VWA3B: variants seen among roughly 807,000 people sequenced by gnomAD.
The protein encoded by VWA3B is von Willebrand factor A domain containing 3B.
Under a neutral mutation model 158.3 loss-of-function variants are expected in VWA3B, and 138 were observed. The ratio of observed to expected loss-of-function variants is 0.87; its 90% CI spans 0.76 to 1.00. The LOEUF (loss-of-function observed/expected upper bound fraction) is 1.00, where lower values mean the gene tolerates loss of function less well. Among genes scored for constraint, VWA3B ranks in the 50% least tolerant of loss-of-function variants. The pLI, the probability that VWA3B is intolerant of heterozygous loss-of-function variation, is 0.00. For synonymous variants in VWA3B, 596 were observed against 587.3 expected (o/e 1.01, Z -0.21); for missense variants, 1,555 against 1,565.1 (o/e 0.99, Z 0.11).
intron 2 of VWA3B, among the ~76,000 whole-genome samples, chr2:98,108,631 T>A (rs1219239345): frequency 6.6e-6 from 1 of 152,200 alleles, no homozygotes. Flanking sequence ...TATTCTTTGC[T>A]ATGAAGTTTA....
At chr2:98,323,158 G>A in the VWA3B span, among the ~76,000 whole-genome samples, 2 of 152,084 alleles carry the variant, frequency 1.3e-5, no homozygotes, top group Non-Finnish European at 2.9e-5. Context: ...ATTTATTCCA[G>A]TTGTTGTATA....
the VWA3B span, among the ~76,000 whole-genome samples, chr2:98,319,747 G>T: frequency 1.2e-4 from 18 of 152,016 alleles, no homozygotes; most frequent in African/African-American, 4.1e-4. Flanking sequence ...ATGCATGGTG[G>T]TGCATGCCTG....
intron 13 of VWA3B, among the ~76,000 whole-genome samples, chr2:98,212,498 G>C (rs1046490218): frequency 6.6e-6 from 1 of 152,164 alleles, no homozygotes; most frequent in Non-Finnish European, 1.5e-5. Flanking sequence ...AGCCCGACTG[G>C]AAAATATTTG....
At chr2:98,306,673 C>T (rs1690542860) in intron 26 of VWA3B, among the ~76,000 whole-genome samples, 1 of 152,166 alleles carries the variant, frequency 6.6e-6, no homozygotes, top group Non-Finnish European at 1.5e-5. Context: ...CCCATTTTCA[C>T]CAAACTCAAT....
intron 2 of VWA3B, among the ~76,000 whole-genome samples, chr2:98,109,362 A>G (rs1331255145): frequency 1.3e-5 from 2 of 152,194 alleles, no homozygotes; most frequent in South Asian, 2.1e-4. Context: ...TTATGAATAC[A>G]TACATTATCA....
intron 12 of VWA3B, among the ~76,000 whole-genome samples, chr2:98,211,225 G>A (rs1683480324): frequency 6.6e-6 from 1 of 152,168 alleles, no homozygotes; most frequent in South Asian, 2.1e-4. Context: ...AACTGAAGCT[G>A]GAGTGATACA....
chr2:98,303,816 A>G lies in VWA3B; in HGVS notation c.3521+14A>G. On this transcript the variant is annotated intron_variant, in intron 26 of 27. Transcript: ENST00000477737. ...GGATCCAGAAGTGTAAGTGTACTCA[A>G]CTTTTATCTCTTGAATATTAATTTA... 6.2e-7 allele frequency: 1 copy of G among 1,609,694 alleles called. No homozygotes were observed. The highest frequency in any genetic ancestry group is 8.5e-7 in the Non-Finnish European group (1 of 1,175,974).
At chr2:98,285,184 A>G (rs1285168307) in intron 22 of VWA3B, among the ~76,000 whole-genome samples, 1 of 152,102 alleles carries the variant, frequency 6.6e-6, no homozygotes, top group Non-Finnish European at 1.5e-5. Context: ...CCTCATGCCC[A>G]TTTGCAGTCA....
chr2:98,171,682 A>G (rs1205848803), intron 8 of VWA3B, among the ~76,000 whole-genome samples: 2 of 150,128 alleles, frequency 1.3e-5, no homozygotes, highest in Non-Finnish European at 3.0e-5. Flanking sequence ...TTACATTTAG[A>G]AAAAAAAAAG....
At chr2:98,275,225 A>G (rs958927276) in intron 22 of VWA3B, among the ~76,000 whole-genome samples, 6 of 152,266 alleles carry the variant, frequency 3.9e-5, no homozygotes, top group African/African-American at 1.2e-4. Flanking sequence ...AAATGAAAGA[A>G]CAAACACAGA....
intron 8 of VWA3B, among the ~76,000 whole-genome samples, chr2:98,168,883 C>T (rs758535203): frequency 4.6e-5 from 7 of 152,120 alleles, no homozygotes; most frequent in African/African-American, 1.7e-4. Flanking sequence ...AGATGGGATT[C>T]CTGCGGGGAG....
At chr2:98,239,528 G>T (rs1429932066) in intron 19 of VWA3B, among the ~76,000 whole-genome samples, 2 of 143,252 alleles carry the variant, frequency 1.4e-5, no homozygotes, top group African/African-American at 5.1e-5. Flanking sequence ...GTTGGGAGAT[G>T]TTTTTTTTTT....
At chr2:98,136,445 T>C (rs1353756753) in intron 7 of VWA3B, among the ~76,000 whole-genome samples, 1 of 152,156 alleles carries the variant, frequency 6.6e-6, no homozygotes, top group Admixed American at 6.5e-5. Context: ...GAGAAACTTA[T>C]TGCTCACAGT....
intron 21 of VWA3B, among the ~76,000 whole-genome samples, chr2:98,264,925 A>T (rs1449421904): frequency 1.3e-5 from 2 of 152,070 alleles, no homozygotes; most frequent in Non-Finnish European, 2.9e-5. Flanking sequence ...CTCTTAGTGG[A>T]TTTGGGTAGT....
intron 2 of VWA3B, among the ~76,000 whole-genome samples, chr2:98,098,269 A>G (rs1682851182): frequency 1.3e-5 from 2 of 151,884 alleles, no homozygotes; most frequent in Non-Finnish European, 2.9e-5. Context: ...TTTCTGGTTG[A>G]TTTTCTCTCT....
chr2:98,267,699 C>A (rs1338109751), intron 21 of VWA3B, among the ~76,000 whole-genome samples: 2 of 151,994 alleles, frequency 1.3e-5, no homozygotes, highest in Middle Eastern at 3.4e-3. Context: ...CAGAGCAGAA[C>A]TGAAGGAAAT....
At chr2:98,133,725 C>G in intron 6 of VWA3B, 99 bp from the exon 7 acceptor site, 1 of 927,408 alleles carries the variant, frequency 1.1e-6, no homozygotes, top group Non-Finnish European at 1.7e-6. Flanking sequence ...ATGAAGATGC[C>G]CAGTGCTGCC....
chr2:98,305,333 G>A (rs1404627569), intron 26 of VWA3B, among the ~76,000 whole-genome samples: 3 of 152,176 alleles, frequency 2.0e-5, no homozygotes, highest in Non-Finnish European at 4.4e-5. Context: ...CCAGCTGGTT[G>A]CAAGGTGCAG....
chr2:98,112,331 C>G (rs1171589695), intron 2 of VWA3B, among the ~76,000 whole-genome samples: 1 of 150,314 alleles, frequency 6.7e-6, no homozygotes, highest in Non-Finnish European at 1.5e-5. Flanking sequence ...TGTGTTTTAC[C>G]AGTACCATGC....
Sources: allele counts gnomAD v4.1 joint callset (sites outside exome capture counted in the v4.1 genomes callset), GRCh38; gene constraint gnomAD v4.1.1; transcripts MANE v1.5; gene names NCBI Gene and HGNC (gene_info 2026-07-23, HGNC 2026-07-21).